The following DNAH10 variants were observed in gnomAD, a reference collection of about 807,000 sequenced individuals.
DNAH10 encodes dynein axonemal heavy chain 10.
In DNAH10, 348 loss-of-function variants were observed where a neutral mutation model predicts 506.6. The observed-to-expected ratio is 0.69, with a 90% CI of 0.63 to 0.75. DNAH10 has a LOEUF of 0.75. Among genes scored for constraint, DNAH10 ranks in the 30% least tolerant of loss-of-function variants. The pLI is 0.00. For synonymous variants in DNAH10, 2,059 were observed against 2,198.6 expected (o/e 0.94, Z 1.78); for missense variants, 5,179 against 5,787.1 (o/e 0.89, Z 3.41).
At position 123,837,218 on chromosome 12, in the gene DNAH10, C is replaced by T. The variant is rs1459372637; in HGVS notation, c.4903-1238C>T. Among the ~76,000 whole-genome samples, 6 of 150,576 alleles carry T rather than the reference C, an allele frequency of 4.0e-5. 1 individual carries two copies. Among genetic ancestry groups the T allele is most frequent in the African/African-American group, 1.5e-4 (6 of 41,048 alleles). ...AATTAGCCAGGCATGGTGGTGCATGCCTGTAATCCCAGCTACTCGGGAGGC... is the reference window on the plus strand; with the variant it reads ...AATTAGCCAGGCATGGTGGTGCATGTCTGTAATCCCAGCTACTCGGGAGGC... On this transcript the variant is annotated intron_variant, in intron 28 of 78. Transcript: ENST00000673944.
chr12:123,804,758 C>T, intron 17 of DNAH10, 75 bp from the exon 18 acceptor site: 1 of 1,462,232 alleles, frequency 6.8e-7, no homozygotes, highest in South Asian at 1.2e-5. Flanking sequence ...ACACACAGCT[C>T]ATGTTTGGAT....
In DNAH10 at chr12:123,835,540, G is replaced by A. The variant is rs150278177; in HGVS notation, c.4902+12G>A. ...AAGTATTTAAAAGGGCAAGTGACTC[G>A]CTTCTATTTTAGTAATGAAAGAAGG... On this transcript the variant is annotated intron_variant, in intron 28 of 78. Coordinates refer to ENST00000673944, the MANE Select transcript of DNAH10 (RefSeq NM_001372106.1). 0.012 allele frequency: 19,162 copies of A among 1,602,824 alleles called. 157 individuals carry two copies. Among genetic ancestry groups the A allele is most frequent in the South Asian group, 0.017 (1,466 of 88,524 alleles).
At chr12:123,892,321 G>T (rs1953021953) in intron 52 of DNAH10, among the ~76,000 whole-genome samples, 2 of 152,172 alleles carry the variant, frequency 1.3e-5, no homozygotes, top group South Asian at 4.2e-4. Flanking sequence ...CAGAGTGGGA[G>T]CAAGGTTGGG....
At chr12:123,910,104 A>G (rs1254161578) in intron 58 of DNAH10, among the ~76,000 whole-genome samples, 3 of 152,258 alleles carry the variant, frequency 2.0e-5, no homozygotes, top group Non-Finnish European at 4.4e-5. Context: ...CAATCTCAAC[A>G]CAAATGACCC....
At position 123,897,926 on chromosome 12, in the gene DNAH10, C is replaced by G; in HGVS notation, c.9437C>G (p.Thr3146Ser). 6.2e-7 allele frequency: 1 copy of G among 1,601,146 alleles called. No individual in the cohort carries two copies. Among genetic ancestry groups the G allele is most frequent in the Non-Finnish European group, 8.5e-7 (1 of 1,176,470 alleles). The change falls in exon 55 of 79, where the codon ACC (threonine) becomes AGC (serine). Residue 3146 changes from threonine to serine, a missense_variant. Physicochemically the swap from Thr to Ser is moderately conservative, Grantham distance 58 (BLOSUM62 1). Coordinates refer to ENST00000673944, the MANE Select transcript of DNAH10 (RefSeq NM_001372106.1). The stretch of plus-strand genomic sequence containing the variant: ...AAGAACTACCTTGATTTTATTAACA[C>G]CTATTCAAAATTGCTGGATGAGAAA... ...TPKNYLDFIN[T>S]YSKLLDEKTQ...
chr12:123,773,010 C>A, intron 4 of DNAH10, 68 bp downstream of exon 4: 1 of 1,064,052 alleles, frequency 9.4e-7, no homozygotes, highest in Non-Finnish European at 1.4e-6. Flanking sequence ...CTTGTTCACT[C>A]TCATTCTGTT....
In DNAH10 at chr12:123,868,016, G is replaced by C. The variant is rs745566618; in HGVS notation, c.7416G>C (p.Leu2472=). The C allele has an allele frequency of 4.3e-6, 7 of 1,613,924 alleles. No homozygotes were observed. The highest frequency in any genetic ancestry group is 4.2e-6 in the Non-Finnish European group (5 of 1,179,890). ...EALYCSLGAS[L]LEDGRMKFDE... is the part of the protein sequence containing the mutation. ...TGTACTGCTCTCTGGGAGCCTCCCTGCTTGAGGATGGAAGGATGAAATTTG... is the reference window on the plus strand; with the variant it reads ...TGTACTGCTCTCTGGGAGCCTCCCTCCTTGAGGATGGAAGGATGAAATTTG... The change falls in exon 43 of 79, where the codon CTG becomes CTC. Residue 2472 remains leucine (L), a synonymous_variant. Transcript: ENST00000673944.
chr12:123,788,663 C>T (rs1308235167), intron 10 of DNAH10, among the ~76,000 whole-genome samples: 2 of 152,170 alleles, frequency 1.3e-5, no homozygotes, highest in Admixed American at 1.3e-4. Flanking sequence ...CATGATGGCT[C>T]ACACCTGTAA....
intron 54 of DNAH10, among the ~76,000 whole-genome samples, chr12:123,897,451 C>T (rs1173099363): frequency 6.6e-6 from 1 of 152,194 alleles, no homozygotes; most frequent in Non-Finnish European, 1.5e-5. Context: ...TGGCTGGGTG[C>T]GGTGAGTCAC....
intron 45 of DNAH10, among the ~76,000 whole-genome samples, chr12:123,872,276 A>G (rs1224991687): frequency 6.6e-6 from 1 of 152,150 alleles, no homozygotes; most frequent in Non-Finnish European, 1.5e-5. Flanking sequence ...ATAGTGAACA[A>G]GCTGTCAAGA....
Position 123,903,191 on chromosome 12 carries a change from G to C in DNAH10, c.9815+78G>C. 4.1e-6 allele frequency: 6 copies of C among 1,478,738 alleles called. No individual in the cohort carries two copies. The highest frequency in any genetic ancestry group is 5.4e-6 in the Non-Finnish European group (6 of 1,112,216). The allele number at this position is 1,478,738 out of a possible 1,614,324, so 91.6% of individuals were successfully genotyped here. On this transcript the variant is annotated intron_variant, in intron 57 of 78. Transcript: ENST00000673944. The surrounding 1 kb of genome is among the most constrained non-coding windows in gnomAD (Gnocchi z 4.6). ...TAGTCTCCATGATCGTGGCAACCAG[G>C]AGCTTACAAAGGAGCCGATGCCACA...
chr12:123,911,285 A>AG (rs1954062052), intron 59 of DNAH10, among the ~76,000 whole-genome samples: 2 of 11,190 alleles, frequency 1.8e-4, no homozygotes, highest in Non-Finnish European at 1.7e-4. Context: ...GTCCTGGGGG[A>AG]TCTGTCCTGG....
rs1594379298 is a variant in DNAH10 at position 123,917,930 on chromosome 12, A to C, written c.11232+117A>C. ...GGGCTCTGTGATCTCAGGGCTAAAA[A>C]CCCACCTCTATTGGGATGTGCTGTG... On this transcript the variant is annotated intron_variant, in intron 64 of 78. Transcript: ENST00000673944. This position sits in a 1 kb window ranked among gnomAD's most constrained non-coding sequence, Gnocchi z 5.6. 1 of 1,134,636 alleles carries C rather than the reference A, an allele frequency of 8.8e-7. No individual in the cohort carries two copies. The highest frequency in any genetic ancestry group is 2.6e-5 in the East Asian group (1 of 38,852). The allele number at this position is 1,134,636 out of a possible 1,614,324, so 70.3% of individuals were successfully genotyped here.
chr12:123,775,707 G>T (rs919454174), intron 5 of DNAH10, among the ~76,000 whole-genome samples: 1 of 152,116 alleles, frequency 6.6e-6, no homozygotes, highest in African/African-American at 2.4e-5. Context: ...GGAACAACAG[G>T]ATCTGGTTTG....
In DNAH10 at chr12:123,826,678, C is replaced by A; in HGVS notation, c.4180-9C>A. The stretch of plus-strand genomic sequence containing the variant: ...TTTGTTGATGGAGCTGTTCCTTGCA[C>A]GTTTCCAGGTTGCAAAAGAAGAATG... On this transcript the variant is annotated splice_polypyrimidine_tract_variant and intron_variant, in intron 24 of 78. Transcript: ENST00000673944. 6.2e-7 allele frequency: 1 copy of A among 1,611,770 alleles called. No homozygotes were observed. The highest frequency in any genetic ancestry group is 1.7e-5 in the Admixed American group (1 of 59,928).
At chr12:123,848,910 T>C (rs983007773) in intron 34 of DNAH10, 28 bp downstream of exon 34, 10 of 1,610,416 alleles carry the variant, frequency 6.2e-6, no homozygotes, top group Non-Finnish European at 8.5e-6. Context: ...CCCGGGACCA[T>C]GTCCCTAGGA....
rs1341540503 is a variant in DNAH10 at position 123,902,953 on chromosome 12, A to G, written c.9655A>G (p.Lys3219Glu). The G allele has an allele frequency of 1.9e-6, 3 of 1,587,564 alleles. No homozygotes were observed. Among genetic ancestry groups the G allele is most frequent in the Non-Finnish European group, 2.6e-6 (3 of 1,167,402 alleles). ...CTACCCTGCAGCCGAGGAGAAGAAG[A>G]AACTGGCAGAGGAAAAGGCCATGGA... The part of the protein sequence containing the change: ...VNTAVAEEKK[K>E]LAEEKAMEIE... The change falls in exon 57 of 79, where the codon AAA becomes GAA. Residue 3219 changes from lysine (K) to glutamate (E), a missense_variant. Lys to Glu is a moderately conservative substitution (Grantham distance 56). Coordinates refer to ENST00000673944, the MANE Select transcript of DNAH10 (RefSeq NM_001372106.1). This position sits in a 1 kb window ranked among gnomAD's most constrained non-coding sequence, Gnocchi z 4.5.
chr12:123,765,478 T>C (rs1412557865), intron 1 of DNAH10, among the ~76,000 whole-genome samples: 8 of 152,152 alleles, frequency 5.3e-5, no homozygotes, highest in Non-Finnish European at 1.2e-4. Flanking sequence ...GTTGGCTCTT[T>C]TGTCAAATTA....
chr12:123,852,215 T>C (rs1169867333), intron 35 of DNAH10, among the ~76,000 whole-genome samples: 1 of 152,246 alleles, frequency 6.6e-6, no homozygotes, highest in Non-Finnish European at 1.5e-5. Context: ...GACGGGCTTC[T>C]TTCACTCAGC....
Sources: allele counts gnomAD v4.1 joint callset (sites outside exome capture counted in the v4.1 genomes callset), GRCh38; gene constraint gnomAD v4.1.1; non-coding constraint Gnocchi (gnomAD v3.1); transcripts MANE v1.5; gene names NCBI Gene and HGNC (gene_info 2026-07-23, HGNC 2026-07-21).